The following TCN2 variants were observed in gnomAD, a reference collection of about 807,000 sequenced individuals.
TCN2 encodes the protein transcobalamin-2.
A neutral mutation model predicts 48.6 loss-of-function variants in TCN2; 34 were observed. The observed-to-expected ratio is 0.70, with a 90% CI of 0.53 to 0.93. The LOEUF is 0.93. Ranked by LOEUF, TCN2 falls within the 40% of genes least tolerant of loss-of-function variation. TCN2 has a pLI of 0.00. For missense variants in TCN2, 652 were observed against 526.1 expected, an observed-to-expected ratio of 1.24 and a Z score of -2.34; for synonymous variants, 283 against 212.5, an observed-to-expected ratio of 1.33 and a Z score of -2.89.
intron 8 of TCN2, 80 bp from the exon 9 acceptor site, chr22:30,626,380 G>A (rs1005767442): frequency 2.7e-6 from 4 of 1,460,882 alleles, no homozygotes; most frequent in Non-Finnish European, 3.8e-6. Context: ...CTAGCCTCAG[G>A]GTGGGGGGTC....
At position 30,626,839 on chromosome 22, in the gene TCN2, G is replaced by A. The variant is rs2087818375; in HGVS notation, c.*318G>A. 2.1e-6 allele frequency: 1 copy of A among 475,030 alleles called. No individual in the cohort carries two copies. The highest frequency in any genetic ancestry group is 2.0e-5 in the African/African-American group (1 of 51,098). 29.4% of individuals were successfully genotyped at this position (475,030 alleles called of 1,614,324 possible). ...CTCAGACTCCTTGGCAAAAAACGGAGTCCGCAGGCCGCAGGTGTTGTGAAG... is the reference window on the plus strand; with the variant it reads ...CTCAGACTCCTTGGCAAAAAACGGAATCCGCAGGCCGCAGGTGTTGTGAAG... On this transcript the variant is annotated 3_prime_UTR_variant, in exon 9 of 9. Transcript: ENST00000215838.
chr22:30,610,712 C>G (rs1473286407), intron 1 of TCN2, among the ~76,000 whole-genome samples, 159 bp from the exon 2 acceptor site: 1 of 152,218 alleles, frequency 6.6e-6, no homozygotes, highest in African/African-American at 2.4e-5. Context: ...CTCCCACTGC[C>G]TTTCAGTATG....
intron 7 of TCN2, 105 bp downstream of exon 7, chr22:30,617,600 C>T (rs2087632537): frequency 1.4e-6 from 2 of 1,471,066 alleles, no homozygotes; most frequent in Non-Finnish European, 1.9e-6. Flanking sequence ...TCGGGAGAGA[C>T]ACTGGCCCTG....
Position 30,623,849 on chromosome 22 carries a change from TAC to T in TCN2, c.1222+770_1222+771del, listed in dbSNP as rs1291629424. On this transcript the variant is annotated intron_variant, in intron 8 of 8. Coordinates refer to ENST00000215838, the MANE Select transcript of TCN2 (RefSeq NM_000355.4). The stretch of plus-strand genomic sequence containing the variant: ...ACACACACATATACACACACATACA[TAC>T]ACATACATACACACATATATACACA... 1.2e-4 allele frequency among the ~76,000 whole-genome samples: 4 copies of T among 34,184 alleles called. 2 individuals are homozygous for T. Among genetic ancestry groups the T allele is most frequent in the Non-Finnish European group, 2.1e-4 (4 of 18,714 alleles). The allele number at this position is 34,184 out of a possible 152,430, so 22.4% of individuals were successfully genotyped here.
intron 6 of TCN2, 93 bp from the exon 7 acceptor site, chr22:30,617,237 A>T: frequency 6.4e-7 from 1 of 1,565,306 alleles, no homozygotes. Context: ...GGGGAAGGAC[A>T]AAGTCCAGGT....
At chr22:30,616,352 G>A (rs1018248975) in intron 6 of TCN2, among the ~76,000 whole-genome samples, 1 of 151,872 alleles carries the variant, frequency 6.6e-6, no homozygotes, top group Admixed American at 6.6e-5. Context: ...GTGTGGTGGC[G>A]AGTGCCTGTA....
intron 8 of TCN2, among the ~76,000 whole-genome samples, chr22:30,626,181 C>T (rs1018678389): frequency 1.4e-4 from 22 of 152,154 alleles, no homozygotes; most frequent in Non-Finnish European, 2.1e-4. Flanking sequence ...GACTGCACTG[C>T]GCAAGTTTCT....
intron 7 of TCN2, among the ~76,000 whole-genome samples, chr22:30,620,230 T>A (rs572230285): frequency 6.6e-6 from 1 of 152,174 alleles, no homozygotes; most frequent in South Asian, 2.1e-4. Flanking sequence ...GGTGGGCAGA[T>A]TACTTGAGGC....
intron 1 of TCN2, among the ~76,000 whole-genome samples, chr22:30,609,027 G>C (rs895293293): frequency 1.3e-5 from 2 of 151,968 alleles, no homozygotes; most frequent in Non-Finnish European, 2.9e-5. Flanking sequence ...CCTCGGTGTA[G>C]TACAAGGAAG....
chr22:30,608,427 G>A (rs769422249), intron 1 of TCN2, among the ~76,000 whole-genome samples: 1 of 152,200 alleles, frequency 6.6e-6, no homozygotes, highest in East Asian at 1.9e-4. Flanking sequence ...TCCCTCTGTT[G>A]CCCAGGCTGG....
At chr22:30,613,072 G>GAGC (rs750146872) in intron 3 of TCN2, 30 bp downstream of exon 3, 1 of 1,611,840 alleles carries the variant, frequency 6.2e-7, no homozygotes, top group East Asian at 2.2e-5. Flanking sequence ...TGGGGGTGGG[G>GAGC]AGCAGCTGGG....
chr22:30,623,965 C>CACACATATATGTATACATATAT lies in TCN2; in HGVS notation c.1222+887_1222+888insTATATGTATACATATATACACA. Among the ~76,000 whole-genome samples, 2 of 18,554 alleles carry CACACATATATGTATACATATAT rather than the reference C, an allele frequency of 1.1e-4. 1 individual carries two copies. Among genetic ancestry groups the CACACATATATGTATACATATAT allele is most frequent in the South Asian group, 1.4e-3 (2 of 1,428 alleles). 12.2% of individuals were successfully genotyped at this position (18,554 alleles called of 152,430 possible). ...ACACACACATATGTATACATATATA[C>CACACATATATGTATACATATAT]ACACACATATATATGTATACATATA... On this transcript the variant is annotated intron_variant, in intron 8 of 8. Coordinates refer to ENST00000215838, the MANE Select transcript of TCN2 (RefSeq NM_000355.4).
At chr22:30,614,537 ACTCC>A (rs771380782) in intron 4 of TCN2, 36 bp downstream of exon 4, 20 of 1,612,680 alleles carry the variant, frequency 1.2e-5, no homozygotes, top group South Asian at 5.5e-5. Flanking sequence ...CCAGGCTGGC[ACTCC>A]CTCAGTCCCC....
rs774964870 is a variant in TCN2 at position 30,617,423 on chromosome 22, A to C, written c.1034A>C (p.Gln345Pro). 5.0e-6 allele frequency: 8 copies of C among 1,614,024 alleles called. No individual in the cohort carries two copies. The South Asian group carries it at 8.8e-5, about 18-fold the overall frequency. ...CTTAGTCTCTTGCCGCCGTACAGAC[A>C]GTCCATCTCTGTTCTGGCCGGGTCC... ...QVLSLLPPYR[Q>P]SISVLAGSTV... is the part of the protein sequence containing the mutation. Residue 345 changes from glutamine to proline, a missense_variant, in exon 7 of 9, where the codon CAG becomes CCG. By Grantham distance (76) the Gln-to-Pro change is moderately conservative. Coordinates refer to ENST00000215838, the MANE Select transcript of TCN2 (RefSeq NM_000355.4).
intron 8 of TCN2, among the ~76,000 whole-genome samples, chr22:30,625,485 TGGG>T (rs2087793699): frequency 6.6e-6 from 1 of 151,920 alleles, no homozygotes; most frequent in Non-Finnish European, 1.5e-5. Flanking sequence ...TTTTTTGAGA[TGGG>T]GGTCTCACTC....
rs1411403426 is a variant in TCN2 at position 30,626,865 on chromosome 22, A to G, written c.*344A>G. The G allele has an allele frequency of 7.3e-6, 3 of 410,410 alleles. No individual in the cohort carries two copies. Among genetic ancestry groups the G allele is most frequent in the Non-Finnish European group, 1.4e-5 (3 of 217,184 alleles). The allele number at this position is 410,410 out of a possible 1,614,324, so 25.4% of individuals were successfully genotyped here. On this transcript the variant is annotated 3_prime_UTR_variant, in exon 9 of 9. Transcript: ENST00000215838. Reference sequence around the variant, plus strand: ...TCCGCAGGCCGCAGGTGTTGTGAAGACCACTCGTTCTGTGGTTGGGGTCCT... The same window carrying G: ...TCCGCAGGCCGCAGGTGTTGTGAAGGCCACTCGTTCTGTGGTTGGGGTCCT...
chr22:30,607,696 C>T (rs1214798802), intron 1 of TCN2, among the ~76,000 whole-genome samples: 3 of 152,058 alleles, frequency 2.0e-5, no homozygotes, highest in Admixed American at 6.6e-5. Flanking sequence ...AGTCTAATCC[C>T]TGCCATCCTA....
chr22:30,623,024 C>G lies in TCN2; in HGVS notation c.1163C>G (p.Ala388Gly). The change falls in exon 8 of 9, where the codon GCG becomes GGG. Residue 388 changes from alanine (A) to glycine (G), a missense_variant. Ala to Gly is a moderately conservative substitution (Grantham distance 60). Transcript: ENST00000215838. ...GPYLTSVMGK[A>G]AGEREFWQLL... ...TACTTAACCTCCGTGATGGGGAAAG[C>G]GGCCGGAGAAAGGGAGTTCTGGCAG... 1 of 1,614,052 alleles carries G rather than the reference C, an allele frequency of 6.2e-7. No individual in the cohort carries two copies. Among genetic ancestry groups the G allele is most frequent in the African/African-American group, 1.3e-5 (1 of 74,992 alleles).
rs962592945 is a variant in TCN2 at position 30,614,581 on chromosome 22, GC to G, written c.580+85del. The G allele has an allele frequency of 3.8e-6, 6 of 1,581,710 alleles. No homozygotes were observed. The African/African-American group carries it at 4.0e-5, about 11-fold the overall frequency. On this transcript the variant is annotated intron_variant, in intron 4 of 8. Transcript: ENST00000215838. ...CTGCACTGATGACCTCCATACCCTG[GC>G]CCCCACACTCACCTTTCCTTGGGGC...
Sources: gnomAD v4.1 joint callset for allele counts (sites outside exome capture counted in the v4.1 genomes callset) on GRCh38, gnomAD v4.1.1 for gene constraint, MANE v1.5 for transcripts, NCBI Gene and HGNC (gene_info 2026-07-23, HGNC 2026-07-21) for gene names.